The following BIK variants were observed in gnomAD, a reference collection of about 807,000 sequenced individuals.
BIK encodes the protein BCL2 interacting killer, also known as bcl-2-interacting killer.
In BIK, 14 loss-of-function variants were observed where a neutral mutation model predicts 12.1. The observed-to-expected ratio is 1.16, with a 90% CI of 0.77 to 1.81. The LOEUF is 1.81. Among genes scored for constraint, BIK ranks in the 40% most tolerant of loss-of-function variants. BIK has a pLI of 0.00. For missense variants in BIK, 215 were observed against 207.9 expected (o/e 1.03, Z -0.21); for synonymous variants, 86 against 92.3 (o/e 0.93, Z 0.39).
At chr22:43,117,704 CTT>C (rs1206039006) in intron 1 of BIK, among the ~76,000 whole-genome samples, 2 of 138,768 alleles carry the variant, frequency 1.4e-5, no homozygotes, top group Non-Finnish European at 3.1e-5. Flanking sequence ...GTTTTTCGCT[CTT>C]GTCGCCCAGG....
intron 1 of BIK, among the ~76,000 whole-genome samples, chr22:43,115,680 T>C (rs1930097878): frequency 6.6e-6 from 1 of 151,954 alleles, no homozygotes; most frequent in Admixed American, 6.6e-5. Context: ...CCAGGATGGT[T>C]GTGAACTCCT....
chr22:43,120,042 GCTGGTGAGCT>G (rs11279206), intron 1 of BIK, among the ~76,000 whole-genome samples: 24,203 of 152,144 alleles, frequency 0.16, 2,173 homozygotes, highest in African/African-American at 0.24. Context: ...TCTGAGGTTG[GCTGGTGAGCT>G]CTGCACATTT....
At chr22:43,121,945 G>A (rs1006621711) in intron 1 of BIK, among the ~76,000 whole-genome samples, 8 of 152,206 alleles carry the variant, frequency 5.3e-5, no homozygotes, top group African/African-American at 1.9e-4. Flanking sequence ...TGGCCAGGCT[G>A]GTCTCAAACT....
At chr22:43,129,170 C>T (rs909666) in intron 4 of BIK, 43 bp from the exon 5 acceptor site, 1,296,764 of 1,600,600 alleles carry the variant, frequency 0.81, 533,666 homozygotes, top group Non-Finnish European at 0.86. Flanking sequence ...GCCCCATTGC[C>T]GGGGCCTGCC....
chr22:43,119,255 C>T (rs1192122249), intron 1 of BIK, among the ~76,000 whole-genome samples: 2 of 152,008 alleles, frequency 1.3e-5, no homozygotes, highest in African/African-American at 2.4e-5. Context: ...TGTCTTCCTT[C>T]ACCAAAGAAG....
intron 1 of BIK, among the ~76,000 whole-genome samples, chr22:43,114,091 G>A (rs1930064115): frequency 6.6e-6 from 1 of 152,200 alleles, no homozygotes; most frequent in Non-Finnish European, 1.5e-5. Context: ...ACACAGGGCA[G>A]CTGATTTTCC....
Position 43,124,181 on chromosome 22 carries a change from C to T in BIK, c.159C>T (p.Gly53=). ...TCGATTCTTTGGAATGCATGGAGGGCAGGTAGGTCCCCATGGCCTGCCCTA... is the reference window on the plus strand; with the variant it reads ...TCGATTCTTTGGAATGCATGGAGGGTAGGTAGGTCCCCATGGCCTGCCCTA... ...EDFDSLECME[G]SDALALRLAC... Residue 53 remains glycine (G), a splice_region_variant and synonymous_variant, in exon 2 of 5, where the codon GGC becomes GGT. Coordinates refer to ENST00000216115, the MANE Select transcript of BIK (RefSeq NM_001197.5). 6.2e-7 allele frequency: 1 copy of T among 1,613,894 alleles called. No homozygotes were observed.
chr22:43,127,856 G>A, intron 3 of BIK, 61 bp downstream of exon 3: 19 of 1,467,010 alleles, frequency 1.3e-5, no homozygotes, highest in Non-Finnish European at 1.8e-5. Context: ...GTGGGTGGAG[G>A]CCCTGAACAC....
intron 1 of BIK, among the ~76,000 whole-genome samples, chr22:43,123,545 G>A (rs1014849554): frequency 6.6e-6 from 1 of 152,174 alleles, no homozygotes; most frequent in African/African-American, 2.4e-5. Flanking sequence ...GAGGTCAGGA[G>A]TTCAAGACCA....
rs760035851 is a variant in BIK at position 43,124,136 on chromosome 22, C to T, written c.114C>T (p.Asp38=). 4 of 1,614,138 alleles carry T rather than the reference C, an allele frequency of 2.5e-6. No individual in the cohort carries two copies. The Admixed American group carries it at 6.7e-5, about 27-fold the overall frequency. ...EVLGMTDSEE[D]LDPMEDFDSL... is the part of the protein sequence containing the mutation. ...TTGGCATGACTGACTCTGAAGAGGACCTGGACCCTATGGAGGACTTCGATT... is the reference window on the plus strand; with the variant it reads ...TTGGCATGACTGACTCTGAAGAGGATCTGGACCCTATGGAGGACTTCGATT... The change falls in exon 2 of 5, where the codon GAC becomes GAT. Residue 38 remains aspartate, a synonymous_variant. Transcript: ENST00000216115.
intron 2 of BIK, among the ~76,000 whole-genome samples, chr22:43,126,535 G>T: frequency 6.6e-6 from 1 of 152,254 alleles, no homozygotes; most frequent in African/African-American, 2.4e-5. Flanking sequence ...GAACGTGAAG[G>T]CCCAGGAGCA....
In BIK at chr22:43,128,745, C is replaced by T. The variant is rs1340854744; in HGVS notation, c.390+120C>T. On this transcript the variant is annotated intron_variant, in intron 4 of 4. Coordinates refer to ENST00000216115, the MANE Select transcript of BIK (RefSeq NM_001197.5). Reference sequence around the variant, plus strand: ...TATCATCATCTGTGTCACCTGTGTCCACATCTGCCTGATCCCATGGGCTTT... The same window carrying T: ...TATCATCATCTGTGTCACCTGTGTCTACATCTGCCTGATCCCATGGGCTTT... 5 of 1,387,548 alleles carry T rather than the reference C, an allele frequency of 3.6e-6. No homozygotes were observed. The East Asian group carries it at 6.9e-5, about 19-fold the overall frequency. 86.0% of individuals were successfully genotyped at this position (1,387,548 alleles called of 1,614,324 possible).
chr22:43,113,779 A>G (rs144101320), intron 1 of BIK, among the ~76,000 whole-genome samples: 242 of 152,284 alleles, frequency 1.6e-3, no homozygotes, highest in African/African-American at 5.6e-3. Flanking sequence ...TGTGTAGACA[A>G]TTAATGGCTT....
Position 43,127,699 on chromosome 22 carries a change from ACGCATTGG to A in BIK, c.166_173del (p.Ala56ProfsTer40). The A allele has an allele frequency of 6.4e-7, 1 of 1,553,110 alleles. No individual in the cohort carries two copies. The highest frequency in any genetic ancestry group is 8.7e-7 in the Non-Finnish European group (1 of 1,148,638). ...ACTCCTGTGTGTGCTCCCTGCAGTGACGCATTGGCCCTGCGGCTGGCCTGCATCGGGGA... is the reference window on the plus strand; with the variant it reads ...ACTCCTGTGTGTGCTCCCTGCAGTGACCCTGCGGCTGGCCTGCATCGGGGA... On this transcript the variant is annotated frameshift_variant, in exon 3 of 5. Transcript: ENST00000216115. LOFTEE classifies it high-confidence loss of function.
At chr22:43,120,024 T>C (rs1448167364) in intron 1 of BIK, among the ~76,000 whole-genome samples, 1 of 148,528 alleles carries the variant, frequency 6.7e-6, no homozygotes, top group Admixed American at 6.6e-5. Flanking sequence ...GGCGTAGGCA[T>C]GGGCCGGTCT....
intron 1 of BIK, among the ~76,000 whole-genome samples, chr22:43,118,484 G>T (rs1001981686): frequency 6.6e-6 from 1 of 152,216 alleles, no homozygotes; most frequent in African/African-American, 2.4e-5. Context: ...GGCCGAGCAG[G>T]GGGTGGAACT....
chr22:43,125,138 T>C (rs1192053134), intron 2 of BIK, among the ~76,000 whole-genome samples: 2 of 152,292 alleles, frequency 1.3e-5, no homozygotes, highest in East Asian at 1.9e-4. Flanking sequence ...CATGCTAATA[T>C]AGTTGGTGCA....
chr22:43,113,186 A>G (rs551183866), intron 1 of BIK, among the ~76,000 whole-genome samples: 1 of 152,182 alleles, frequency 6.6e-6, no homozygotes. Context: ...CCTGGGCCAC[A>G]TAGGGAGACT....
chr22:43,128,998 G>A (rs1930380597), intron 4 of BIK, among the ~76,000 whole-genome samples: 1 of 152,256 alleles, frequency 6.6e-6, no homozygotes, highest in Admixed American at 6.5e-5. Context: ...CTTTGCCTGT[G>A]TCCCGCAGAC....
Sources: gnomAD v4.1 joint callset for allele counts (sites outside exome capture counted in the v4.1 genomes callset) on GRCh38, gnomAD v4.1.1 for gene constraint, MANE v1.5 for transcripts, NCBI Gene and HGNC (gene_info 2026-07-23, HGNC 2026-07-21) for gene names.